ARL2: variants seen among roughly 807,000 people sequenced by gnomAD.
ARL2 encodes the protein ADP-ribosylation factor-like protein 2.
A neutral mutation model predicts 22.0 loss-of-function variants in ARL2; 11 were observed. The observed-to-expected ratio is 0.50, with a 90% CI of 0.31 to 0.83. The LOEUF is 0.83. Among genes scored for constraint, ARL2 ranks in the 40% least tolerant of loss-of-function variants. The pLI is 0.04. For synonymous variants in ARL2, 111 were observed against 100.8 expected (o/e 1.10, Z -0.61); for missense variants, 216 against 243.2 (o/e 0.89, Z 0.74).
Position 65,018,576 on chromosome 11 carries a change from A to G in ARL2, c.182A>G (p.Lys61Arg), listed in dbSNP as rs1946287484. Reference protein sequence around the residue: ...NIKTLEHRGFKLNIWDVGGQK... With the variant: ...NIKTLEHRGFRLNIWDVGGQK... ...GTCACCCGCTCCTTGCCCAGATTCAAGCTGAACATCTGGGATGTGGGTGGC... is the reference window on the plus strand; with the variant it reads ...GTCACCCGCTCCTTGCCCAGATTCAGGCTGAACATCTGGGATGTGGGTGGC... The change falls in exon 3 of 5, where the codon AAG (lysine) becomes AGG (arginine). Residue 61 changes from lysine (K) to arginine (R), a missense_variant. Lys to Arg is a conservative substitution (Grantham distance 26, BLOSUM62 2). Transcript: ENST00000246747. This position sits in a 1 kb window ranked among gnomAD's most constrained non-coding sequence, Gnocchi z 4.2. 2 of 1,609,714 alleles carry G rather than the reference A, an allele frequency of 1.2e-6. No individual in the cohort carries two copies. Among genetic ancestry groups the G allele is most frequent in the East Asian group, 2.2e-5 (1 of 44,730 alleles).
intron 3 of ARL2, chr11:65,019,213 C>T: frequency 3.8e-6 from 1 of 261,866 alleles, no homozygotes; most frequent in Admixed American, 4.9e-5. Flanking sequence ...CTCCAGCCTC[C>T]TGGGCGACAG....
At position 65,018,356 on chromosome 11, in the gene ARL2, C is replaced by T. The variant is rs750676722; in HGVS notation, c.66-8C>T. The T allele has an allele frequency of 2.6e-5, 42 of 1,589,980 alleles. No homozygotes were observed. Among genetic ancestry groups the T allele is most frequent in the African/African-American group, 1.1e-4 (8 of 74,740 alleles). ...ACAGGGACTTCTCCTTAACCTGCTG[C>T]GCCCCAGTGGCCTGGACAATGCTGG... is the stretch of plus-strand genomic sequence containing the variant. On this transcript the variant is annotated splice_region_variant and splice_polypyrimidine_tract_variant and intron_variant, in intron 1 of 4. Transcript: ENST00000246747. This position sits in a 1 kb window ranked among gnomAD's most constrained non-coding sequence, Gnocchi z 4.2.
At chr11:65,014,734 GTCCGT>G (rs1178951784) in intron 1 of ARL2, among the ~76,000 whole-genome samples, 1 of 152,224 alleles carries the variant, frequency 6.6e-6, no homozygotes, top group Non-Finnish European at 1.5e-5. Flanking sequence ...GGATCCAACA[GTCCGT>G]CTCTTTGGTG....
chr11:65,014,193 G>A lies in ARL2; in HGVS notation c.-15G>A, dbSNP rs1445160788. On this transcript the variant is annotated 5_prime_UTR_variant, in exon 1 of 5. Transcript: ENST00000246747. ...ACTGGGAAGAAACGGCGGCCGGGAG[G>A]GGGCTCCGGGGACCATGGGGCTCCT... The A allele has an allele frequency of 1.3e-6, 2 of 1,553,944 alleles. No homozygotes were observed. The highest frequency in any genetic ancestry group is 2.6e-5 in the East Asian group (1 of 38,316).
At chr11:65,019,865 G>A (rs943639735) in intron 3 of ARL2, among the ~76,000 whole-genome samples, 1 of 152,204 alleles carries the variant, frequency 6.6e-6, no homozygotes, top group Non-Finnish European at 1.5e-5. Context: ...CTATGTGGGT[G>A]GAGCAGGTCA....
intron 1 of ARL2, among the ~76,000 whole-genome samples, chr11:65,017,533 C>G (rs1946272802): frequency 6.6e-6 from 1 of 152,120 alleles, no homozygotes; most frequent in African/African-American, 2.4e-5. Flanking sequence ...GAACGGCAAG[C>G]TCATCAGCCA....
At chr11:65,019,844 G>A (rs932534965) in intron 3 of ARL2, among the ~76,000 whole-genome samples, 5 of 152,164 alleles carry the variant, frequency 3.3e-5, no homozygotes, top group African/African-American at 9.6e-5. Flanking sequence ...TGGGCACACC[G>A]CACACATCTC....
intron 3 of ARL2, 28 bp from the exon 4 acceptor site, chr11:65,020,391 C>G: frequency 6.3e-7 from 1 of 1,581,416 alleles, no homozygotes. Flanking sequence ...TGAGTCCCCA[C>G]CCCACCCCTC....
At chr11:65,016,218 AAT>A (rs1946251753) in intron 1 of ARL2, among the ~76,000 whole-genome samples, 1 of 142,122 alleles carries the variant, frequency 7.0e-6, no homozygotes, top group Non-Finnish European at 1.5e-5. Context: ...AAAAAAAAAA[AAT>A]GACAATTGAG....
chr11:65,016,697 C>G (rs1406671262), intron 1 of ARL2, among the ~76,000 whole-genome samples: 3 of 151,910 alleles, frequency 2.0e-5, no homozygotes, highest in South Asian at 4.2e-4. Flanking sequence ...CCAGAAGTGT[C>G]AGGCAGGCAG....
At chr11:65,015,216 CA>C (rs1241113268) in intron 1 of ARL2, among the ~76,000 whole-genome samples, 1 of 152,116 alleles carries the variant, frequency 6.6e-6, no homozygotes, top group Non-Finnish European at 1.5e-5. Context: ...CGAGTTCAAG[CA>C]ATTCTCCTGC....
chr11:65,022,111 G>A lies in ARL2; in HGVS notation c.*256G>A. On this transcript the variant is annotated 3_prime_UTR_variant, in exon 5 of 5. Transcript: ENST00000246747. ...AGAAGAGAGGGCTGGGCGGGGAGGA[G>A]CTGCTACTGCTGCTACCGAGGCTGT... 2.0e-6 allele frequency: 1 copy of A among 506,728 alleles called. No individual in the cohort carries two copies. The highest frequency in any genetic ancestry group is 5.6e-4 in the Middle Eastern group (1 of 1,792). 31.4% of individuals were successfully genotyped at this position (506,728 alleles called of 1,614,324 possible). A position where few individuals can be genotyped will look rare whatever the true frequency, so the allele number is the denominator to read the frequency against.
chr11:65,020,607 G>A (rs887966320), intron 4 of ARL2, 108 bp downstream of exon 4: 21 of 1,159,418 alleles, frequency 1.8e-5, no homozygotes, highest in South Asian at 1.2e-4. Flanking sequence ...AGTGGCTCAC[G>A]CCTGTAATAC....
intron 1 of ARL2, among the ~76,000 whole-genome samples, chr11:65,016,687 C>A (rs1946261027): frequency 6.6e-6 from 1 of 151,882 alleles, no homozygotes; most frequent in African/African-American, 2.4e-5. Flanking sequence ...CCGAGACAGC[C>A]CAGAAGTGTC....
Position 65,018,695 on chromosome 11 carries a change from G to T in ARL2, c.301G>T (p.Asp101Tyr). 2 of 1,614,224 alleles carry T rather than the reference G, an allele frequency of 1.2e-6. No individual in the cohort carries two copies. The highest frequency in any genetic ancestry group is 1.7e-6 in the Non-Finnish European group (2 of 1,180,042). ...CAGCGCAGACCGCCAGCGCATGCAG[G>T]ACTGCCAGCGGGAGCTCCAGAGCCT... ...VDSADRQRMQ[D>Y]CQRELQSLLV... Residue 101 changes from aspartate to tyrosine, a missense_variant, in exon 3 of 5, where the codon GAC (aspartate) becomes TAC (tyrosine). Physicochemically the swap from Asp to Tyr is radical, Grantham distance 160 (BLOSUM62 -3). Transcript: ENST00000246747. This position sits in a 1 kb window ranked among gnomAD's most constrained non-coding sequence, Gnocchi z 4.2.
At chr11:65,016,433 C>G (rs377123653) in intron 1 of ARL2, among the ~76,000 whole-genome samples, 34 of 151,656 alleles carry the variant, frequency 2.2e-4, no homozygotes, top group African/African-American at 7.8e-4. Flanking sequence ...TTTTGGTTTT[C>G]CCTTTCAGTG....
chr11:65,022,047 T>C lies in ARL2; in HGVS notation c.*192T>C, dbSNP rs1946335732. 4 of 790,148 alleles carry C rather than the reference T, an allele frequency of 5.1e-6. No individual in the cohort carries two copies. The highest frequency in any genetic ancestry group is 7.8e-6 in the Non-Finnish European group (4 of 510,988). The allele number at this position is 790,148 out of a possible 1,614,324, so 48.9% of individuals were successfully genotyped here. ...TGGCGGGAGGGCTGTGCCCTGGCTG[T>C]CTCTCTGGCTCCTGACCTGGCCTTT... is the stretch of plus-strand genomic sequence containing the variant. On this transcript the variant is annotated 3_prime_UTR_variant, in exon 5 of 5. Transcript: ENST00000246747.
At chr11:65,015,690 G>A (rs1157286994) in intron 1 of ARL2, among the ~76,000 whole-genome samples, 1 of 152,072 alleles carries the variant, frequency 6.6e-6, no homozygotes, top group Non-Finnish European at 1.5e-5. Flanking sequence ...GGAGGCTGAG[G>A]TGGGAGGTTC....
intron 1 of ARL2, among the ~76,000 whole-genome samples, chr11:65,017,309 T>C (rs1946269295): frequency 6.6e-6 from 1 of 151,632 alleles, no homozygotes; most frequent in African/African-American, 2.4e-5. Flanking sequence ...AATTCTCCTG[T>C]CTCAGCCTCC....
Sources: gnomAD v4.1 joint callset for allele counts (sites outside exome capture counted in the v4.1 genomes callset) on GRCh38, gnomAD v4.1.1 for gene constraint, Gnocchi (gnomAD v3.1) non-coding constraint, MANE v1.5 for transcripts, NCBI Gene and HGNC (gene_info 2026-07-23, HGNC 2026-07-21) for gene names.